FGF12: variants seen among roughly 807,000 people sequenced by gnomAD.
The protein encoded by FGF12 is fibroblast growth factor 12B.
A neutral mutation model predicts 23.6 loss-of-function variants in FGF12; 14 were observed. The observed-to-expected ratio is 0.59, with a 90% CI of 0.39 to 0.93. The LOEUF is 0.93. Ranked by LOEUF, FGF12 falls within the 40% of genes least tolerant of loss-of-function variation. The pLI, the probability that FGF12 is intolerant of heterozygous loss-of-function variation, is 0.00. For missense variants in FGF12, 175 were observed against 217.8 expected (o/e 0.80, Z 1.24); for synonymous variants, 62 against 77.3 (o/e 0.80, Z 1.04).
chr3:192,501,207 T>C (rs1724123945), intron 2 of FGF12, among the ~76,000 whole-genome samples: 1 of 152,126 alleles, frequency 6.6e-6, no homozygotes, highest in South Asian at 2.1e-4. Flanking sequence ...TTGTTACACC[T>C]GAGAAAAAAA....
chr3:192,418,640 G>T (rs1363432140), intron 2 of FGF12, among the ~76,000 whole-genome samples: 2 of 152,096 alleles, frequency 1.3e-5, no homozygotes, highest in African/African-American at 4.8e-5. Flanking sequence ...ATTGGATCAT[G>T]GGGGCAGACT....
intron 2 of FGF12, among the ~76,000 whole-genome samples, chr3:192,618,415 A>G (rs1285420332): frequency 6.6e-6 from 1 of 152,130 alleles, no homozygotes; most frequent in African/African-American, 2.4e-5. Flanking sequence ...GATGTAAGGC[A>G]AGATAATAAA....
At chr3:192,622,269 A>G (rs1425378841) in intron 2 of FGF12, among the ~76,000 whole-genome samples, 2 of 152,216 alleles carry the variant, frequency 1.3e-5, no homozygotes, top group Non-Finnish European at 2.9e-5. Flanking sequence ...AGAGTCATCC[A>G]GGAGTGCTCC....
intron 2 of FGF12, among the ~76,000 whole-genome samples, chr3:192,479,529 A>T (rs1723421194): frequency 6.6e-6 from 1 of 152,192 alleles, no homozygotes; most frequent in Non-Finnish European, 1.5e-5. Context: ...AATGGAAAAA[A>T]AAAGTCTGCA....
intron 4 of FGF12, among the ~76,000 whole-genome samples, chr3:192,275,754 G>C (rs1242791596): frequency 1.3e-5 from 2 of 152,164 alleles, no homozygotes; most frequent in African/African-American, 4.8e-5. Flanking sequence ...GACAAAATGT[G>C]AAGAAATATG....
chr3:192,258,054 T>C (rs1712515896), intron 4 of FGF12, among the ~76,000 whole-genome samples: 1 of 147,820 alleles, frequency 6.8e-6, no homozygotes, highest in Admixed American at 6.7e-5. Flanking sequence ...CGAACAGAAA[T>C]GTTACAAAGT....
chr3:192,436,723 A>G (rs1031532143), intron 2 of FGF12, among the ~76,000 whole-genome samples: 3 of 152,244 alleles, frequency 2.0e-5, no homozygotes, highest in Admixed American at 1.3e-4. Flanking sequence ...AGCCTGTCTG[A>G]TCAACAATTT....
chr3:192,639,532 A>G (rs1211287932), intron 2 of FGF12, among the ~76,000 whole-genome samples: 1 of 152,248 alleles, frequency 6.6e-6, no homozygotes, highest in Non-Finnish European at 1.5e-5. Flanking sequence ...CACAATAGCC[A>G]AGATATGGAA....
chr3:192,438,198 A>G (rs1004668370), intron 2 of FGF12, among the ~76,000 whole-genome samples: 2 of 152,190 alleles, frequency 1.3e-5, no homozygotes, highest in African/African-American at 2.4e-5. Context: ...TGTGCTATAA[A>G]AGCATCTCTG....
At chr3:192,565,301 A>G (rs1418702745) in intron 2 of FGF12, among the ~76,000 whole-genome samples, 2 of 152,264 alleles carry the variant, frequency 1.3e-5, no homozygotes, top group Non-Finnish European at 2.9e-5. Flanking sequence ...AAATTCTTGC[A>G]TTCAAAATAA....
intron 4 of FGF12, among the ~76,000 whole-genome samples, chr3:192,184,462 G>A (rs974440103): frequency 1.3e-5 from 2 of 152,156 alleles, no homozygotes; most frequent in Non-Finnish European, 2.9e-5. Flanking sequence ...CTTTTTATAT[G>A]AACAGGATAA....
chr3:192,147,954 A>G (rs1713816196), intron 5 of FGF12, among the ~76,000 whole-genome samples: 1 of 152,154 alleles, frequency 6.6e-6, no homozygotes, highest in African/African-American at 2.4e-5. Flanking sequence ...AAATCAAAAA[A>G]GAAAGTAACA....
chr3:192,546,278 C>T (rs1353537676), intron 2 of FGF12, among the ~76,000 whole-genome samples: 1 of 152,028 alleles, frequency 6.6e-6, no homozygotes, highest in Non-Finnish European at 1.5e-5. Flanking sequence ...ATAGTGACTA[C>T]CGCACTACAG....
intron 4 of FGF12, among the ~76,000 whole-genome samples, chr3:192,302,308 A>G (rs1482132014): frequency 6.6e-6 from 1 of 152,218 alleles, no homozygotes; most frequent in East Asian, 1.9e-4. Flanking sequence ...GACTGTTATT[A>G]GAAAATGCTC....
At chr3:192,561,386 A>G (rs1395546137) in intron 2 of FGF12, among the ~76,000 whole-genome samples, 6 of 151,736 alleles carry the variant, frequency 4.0e-5, no homozygotes, top group Admixed American at 2.0e-4. Flanking sequence ...TTTTTGAGAC[A>G]GAGTCTCGCT....
At chr3:192,338,560 C>T (rs79542858) in intron 3 of FGF12, among the ~76,000 whole-genome samples, 11,746 of 152,104 alleles carry the variant, frequency 0.077, 621 homozygotes, top group African/African-American at 0.15. Context: ...TCAACCTTTG[C>T]CTATTGCTGT....
At chr3:192,653,376 G>A (rs1716282712) in intron 2 of FGF12, among the ~76,000 whole-genome samples, 1 of 152,052 alleles carries the variant, frequency 6.6e-6, no homozygotes, top group African/African-American at 2.4e-5. Context: ...AGTTTCTCTG[G>A]TCCCTACATT....
Position 192,514,734 on chromosome 3 carries a change from C to A in FGF12, c.14-154196G>T. The A allele has an allele frequency of 1.0e-6, 1 of 985,424 alleles. No individual in the cohort carries two copies. The highest frequency in any genetic ancestry group is 1.2e-6 in the Non-Finnish European group (1 of 829,928). The allele number at this position is 985,424 out of a possible 1,614,324, so 61.0% of individuals were successfully genotyped here. ...ACTGCAGCATATGCACTCCTTTCTT[C>A]AGAGAAAGCTCAAGAATCTTCATGG... On this transcript the variant is annotated intron_variant, in intron 2 of 5. Transcript: ENST00000445105. The surrounding 1 kb of genome is among the most constrained non-coding windows in gnomAD (Gnocchi z 4.9).
At chr3:192,363,632 T>G (rs1319448292) in intron 2 of FGF12, among the ~76,000 whole-genome samples, 1 of 152,138 alleles carries the variant, frequency 6.6e-6, no homozygotes, top group Non-Finnish European at 1.5e-5. Context: ...GTAGCCTGAG[T>G]GGCATCTTGT....
Sources: allele counts gnomAD v4.1 joint callset (sites outside exome capture counted in the v4.1 genomes callset), GRCh38; gene constraint gnomAD v4.1.1; non-coding constraint Gnocchi (gnomAD v3.1); transcripts MANE v1.5; gene names NCBI Gene and HGNC (gene_info 2026-07-23, HGNC 2026-07-21).